NT5C2: variants seen among roughly 807,000 people sequenced by gnomAD.
NT5C2 encodes the protein cytosolic purine 5'-nucleotidase.
In NT5C2, 58 loss-of-function variants were observed where a neutral mutation model predicts 76.1. The observed-to-expected ratio is 0.76, with a 90% CI of 0.62 to 0.95. The LOEUF (loss-of-function observed/expected upper bound fraction) is 0.95. Ranked by LOEUF, NT5C2 falls within the 40% of genes least tolerant of loss-of-function variation. The pLI, the probability that NT5C2 is intolerant of heterozygous loss-of-function variation, is 0.00. For synonymous variants in NT5C2, 229 were observed against 237.4 expected (o/e 0.96, Z 0.32); for missense variants, 478 against 690.3 (o/e 0.69, Z 3.45).
intron 1 of NT5C2, among the ~76,000 whole-genome samples, chr10:103,187,551 TAAAAAAAAAA>T (rs769511019): frequency 1.2e-5 from 1 of 85,768 alleles, no homozygotes; most frequent in Non-Finnish European, 2.4e-5. Context: ...GAATCCATCT[TAAAAAAAAAA>T]AAAAAAAAAA....
chr10:103,174,048 A>C (rs977102385), intron 3 of NT5C2, among the ~76,000 whole-genome samples: 2 of 150,504 alleles, frequency 1.3e-5, no homozygotes, highest in African/African-American at 4.9e-5. Context: ...GTGAGCTGAG[A>C]TCATGCCACT....
At chr10:103,163,336 A>G (rs1318674959) in intron 3 of NT5C2, among the ~76,000 whole-genome samples, 3 of 152,158 alleles carry the variant, frequency 2.0e-5, no homozygotes, top group Admixed American at 2.0e-4. Context: ...AAGGTCTCTA[A>G]CTTGATAAGA....
intron 3 of NT5C2, among the ~76,000 whole-genome samples, chr10:103,164,792 A>G (rs779030927): frequency 4.6e-5 from 7 of 152,236 alleles, no homozygotes; most frequent in African/African-American, 1.4e-4. Flanking sequence ...CTTCCTCAAC[A>G]TAAGTTTCTT....
Position 103,091,078 on chromosome 10 carries a change from A to G in NT5C2, c.1212-82T>C, listed in dbSNP as rs11191551. On this transcript the variant is annotated intron_variant, in intron 16 of 18. Coordinates refer to ENST00000404739, the MANE Select transcript of NT5C2 (RefSeq NM_001351169.2). The stretch of plus-strand genomic sequence containing the variant: ...TTAAGACAGTCTCATTCTGTCACTC[A>G]GGCTGGAGTGCAGGGGTGTGATCGC... The G allele has an allele frequency of 0.1, 125,370 of 1,256,530 alleles. 8,082 individuals are homozygous for G. The highest frequency in any genetic ancestry group is 0.26 in the East Asian group (11,108 of 42,110). 77.8% of individuals were successfully genotyped at this position (1,256,530 alleles called of 1,614,324 possible).
intron 4 of NT5C2, among the ~76,000 whole-genome samples, chr10:103,129,143 C>T (rs1468520360): frequency 9.0e-5 from 11 of 121,932 alleles, no homozygotes; most frequent in African/African-American, 2.8e-4. Flanking sequence ...GCCCCCCGCC[C>T]GGCCAGCCGC....
At chr10:103,178,632 A>C (rs1196292987) in intron 2 of NT5C2, among the ~76,000 whole-genome samples, 2 of 151,894 alleles carry the variant, frequency 1.3e-5, no homozygotes, top group Non-Finnish European at 2.9e-5. Context: ...AGAGATGGAG[A>C]CCATCTTGGC....
chr10:103,100,335 A>G (rs1382071651), intron 8 of NT5C2, among the ~76,000 whole-genome samples: 1 of 152,214 alleles, frequency 6.6e-6, no homozygotes, highest in Non-Finnish European at 1.5e-5. Flanking sequence ...GAAACATTTA[A>G]AACTTAAAAT....
chr10:103,118,186 A>G (rs977118874), intron 4 of NT5C2, among the ~76,000 whole-genome samples: 2 of 152,188 alleles, frequency 1.3e-5, no homozygotes, highest in African/African-American at 4.8e-5. Flanking sequence ...AATCCTATAT[A>G]ACAGTAGTCT....
intron 5 of NT5C2, 108 bp from the exon 6 acceptor site, chr10:103,105,909 A>G (rs2071128869): frequency 1.4e-6 from 1 of 724,324 alleles, no homozygotes; most frequent in Non-Finnish European, 2.4e-6. Flanking sequence ...CAAGCTTTGT[A>G]CCAACTCAAA....
At position 103,187,241 on chromosome 10, in the gene NT5C2, C is replaced by G. The variant is rs191919643; in HGVS notation, c.-168-5913G>C. Among the ~76,000 whole-genome samples, 6 of 151,172 alleles carry G rather than the reference C, an allele frequency of 4.0e-5. No individual in the cohort carries two copies. The East Asian group carries it at 1.2e-3, about 30-fold the overall frequency. On this transcript the variant is annotated intron_variant, in intron 1 of 18. Coordinates refer to ENST00000404739, the MANE Select transcript of NT5C2 (RefSeq NM_001351169.2). The stretch of plus-strand genomic sequence containing the variant: ...CTCCAGCTTGGGCAACACAGAGAGA[C>G]TCCACCTTAAAAAAATAAAAAAGGC...
At chr10:103,160,016 T>C (rs2084425285) in intron 3 of NT5C2, among the ~76,000 whole-genome samples, 1 of 152,170 alleles carries the variant, frequency 6.6e-6, no homozygotes, top group African/African-American at 2.4e-5. Context: ...GCTGCAGTAA[T>C]CAAGACTGTG....
chr10:103,168,474 C>G (rs1425373289), intron 3 of NT5C2, among the ~76,000 whole-genome samples: 1 of 152,296 alleles, frequency 6.6e-6, no homozygotes, highest in East Asian at 1.9e-4. Flanking sequence ...AAATTCTGAT[C>G]TATAGTGATC....
intron 4 of NT5C2, among the ~76,000 whole-genome samples, chr10:103,125,818 C>T (rs907695620): frequency 2.0e-5 from 3 of 152,180 alleles, no homozygotes; most frequent in Non-Finnish European, 4.4e-5. Flanking sequence ...AGCAATATAA[C>T]ACTTTTAGCA....
intron 1 of NT5C2, among the ~76,000 whole-genome samples, chr10:103,189,682 A>ATT (rs983180088): frequency 2.1e-5 from 3 of 146,304 alleles, no homozygotes; most frequent in African/African-American, 7.5e-5. Context: ...TGTTTACTGA[A>ATT]TTTTTTTTTT....
chr10:103,108,283 A>G (rs2071933565), intron 4 of NT5C2, among the ~76,000 whole-genome samples: 2 of 152,208 alleles, frequency 1.3e-5, no homozygotes, highest in African/African-American at 4.8e-5. Flanking sequence ...TAACAGCTAA[A>G]AAGACCTGCT....
intron 18 of NT5C2, chr10:103,090,283 TCAC>T (rs2066399991): frequency 2.9e-6 from 1 of 350,248 alleles, no homozygotes; most frequent in African/African-American, 2.1e-5. Flanking sequence ...AGTGGAGCAA[TCAC>T]AGCCCACTGC....
At chr10:103,106,982 T>C (rs763336662) in intron 4 of NT5C2, among the ~76,000 whole-genome samples, 12 of 152,224 alleles carry the variant, frequency 7.9e-5, no homozygotes, top group African/African-American at 2.4e-4. Context: ...AGGAAACCTA[T>C]TCCAAACTTT....
chr10:103,160,659 G>C (rs1245596786), intron 3 of NT5C2, among the ~76,000 whole-genome samples: 5 of 152,124 alleles, frequency 3.3e-5, no homozygotes, highest in Non-Finnish European at 5.9e-5. Context: ...ACCATTACTG[G>C]TCATAAGGGC....
intron 1 of NT5C2, among the ~76,000 whole-genome samples, chr10:103,184,429 C>T (rs1017951053): frequency 9.2e-5 from 14 of 152,212 alleles, no homozygotes; most frequent in African/African-American, 3.4e-4. Flanking sequence ...ACACACATCA[C>T]TCACTGTCCT....
Sources: gnomAD v4.1 joint callset for allele counts (sites outside exome capture counted in the v4.1 genomes callset) on GRCh38, gnomAD v4.1.1 for gene constraint, MANE v1.5 for transcripts, NCBI Gene and HGNC (gene_info 2026-07-23, HGNC 2026-07-21) for gene names.